NEMP1: variants seen among roughly 807,000 people sequenced by gnomAD.
The protein encoded by NEMP1 is transmembrane protein 194.
Under a neutral mutation model 53.7 loss-of-function variants are expected in NEMP1, and 29 were observed. The ratio of observed to expected loss-of-function variants is 0.54; its 90% CI spans 0.40 to 0.74. The LOEUF is 0.74. Among genes scored for constraint, NEMP1 ranks in the 30% least tolerant of loss-of-function variants. The probability of loss-of-function intolerance (pLI) is 0.00; values close to 1 mark genes in which losing one functional copy is unlikely to be tolerated. For missense variants in NEMP1, 477 were observed against 528.6 expected, an observed-to-expected ratio of 0.90 and a Z score of 0.96; for synonymous variants, 193 against 192.9, an observed-to-expected ratio of 1.00 and a Z score of 0.00.
intron 7 of NEMP1, among the ~76,000 whole-genome samples, chr12:57,062,795 G>A (rs2031879632): frequency 6.6e-6 from 1 of 152,018 alleles, no homozygotes; most frequent in South Asian, 2.1e-4. Context: ...AGTGAGCCGA[G>A]ATCACGCCAC....
Position 57,060,885 on chromosome 12 carries a change from A to G in NEMP1, c.1041T>C (p.Tyr347=), listed in dbSNP as rs763797659. 6 of 1,614,078 alleles carry G rather than the reference A, an allele frequency of 3.7e-6. No homozygotes were observed. Among genetic ancestry groups the G allele is most frequent in the Non-Finnish European group, 5.1e-6 (6 of 1,179,984 alleles). ...VPPRLLTEEE[Y]RIQGEVETRK... Reference sequence around the variant, plus strand: ...GGGTTTCTACCTCTCCTTGTATCCGATATTCTTCTTCTGTCAGGAGACGAG... The same window carrying G: ...GGGTTTCTACCTCTCCTTGTATCCGGTATTCTTCTTCTGTCAGGAGACGAG... Residue 347 remains tyrosine, a synonymous_variant, in exon 8 of 9, where the codon TAT becomes TAC. Coordinates refer to ENST00000300128, the MANE Select transcript of NEMP1 (RefSeq NM_001130963.2).
Position 57,064,625 on chromosome 12 carries a change from C to T in NEMP1, c.639+21G>A, listed in dbSNP as rs776455419. Reference sequence around the variant, plus strand: ...GCTATCCAAATTCATTCTAGCTGCACATGAAGATTCTGATACTTACCTTAG... The same window carrying T: ...GCTATCCAAATTCATTCTAGCTGCATATGAAGATTCTGATACTTACCTTAG... On this transcript the variant is annotated intron_variant, in intron 5 of 8. Coordinates refer to ENST00000300128, the MANE Select transcript of NEMP1 (RefSeq NM_001130963.2). 1.2e-4 allele frequency: 183 copies of T among 1,559,448 alleles called. 1 individual carries two copies. The highest frequency in any genetic ancestry group is 1.7e-5 in the Non-Finnish European group (19 of 1,140,924).
At chr12:57,070,167 G>C (rs1215547352) in intron 3 of NEMP1, among the ~76,000 whole-genome samples, 1 of 152,182 alleles carries the variant, frequency 6.6e-6, no homozygotes, top group Non-Finnish European at 1.5e-5. Flanking sequence ...CAGTTCCACT[G>C]AATAAGTTTT....
chr12:57,063,881 C>G (rs528280315), intron 6 of NEMP1, among the ~76,000 whole-genome samples, 190 bp downstream of exon 6: 1 of 140,788 alleles, frequency 7.1e-6, no homozygotes, highest in East Asian at 1.9e-4. Flanking sequence ...GCCTTAACAG[C>G]ACCATTCTAA....
intron 1 of NEMP1, 122 bp downstream of exon 1, chr12:57,078,497 G>A (rs1335707834): frequency 2.3e-6 from 3 of 1,333,302 alleles, no homozygotes; most frequent in Non-Finnish European, 3.0e-6. Context: ...CACTACGCCG[G>A]CGGCCCTCGG....
chr12:57,087,190 G>C (rs1006100198), intron 1 of NEMP1, among the ~76,000 whole-genome samples: 2 of 152,230 alleles, frequency 1.3e-5, no homozygotes, highest in Non-Finnish European at 2.9e-5. Flanking sequence ...ACCGGGACCC[G>C]GGCGCCCCGC....
rs1449854061 is a variant in NEMP1, at chr12:57,057,005, G to C, written c.*2874C>G. The C allele has an allele frequency of 6.6e-6, 1 of 152,240 alleles. No individual in the cohort carries two copies. The highest frequency in any genetic ancestry group is 2.4e-5 in the African/African-American group (1 of 41,468). The allele number at this position is 152,240 out of a possible 1,614,324, so 9.4% of individuals were successfully genotyped here. A position where few individuals can be genotyped will look rare whatever the true frequency, so the allele number is the denominator to read the frequency against. On this transcript the variant is annotated 3_prime_UTR_variant, in exon 9 of 9. Transcript: ENST00000300128. ...AGTGGCTAACAGGAATTACTTATTA[G>C]AAGGTAATGAAGTTGCTAAATTTTC...
chr12:57,086,899 CT>C, intron 1 of NEMP1, among the ~76,000 whole-genome samples: 1 of 152,256 alleles, frequency 6.6e-6, no homozygotes, highest in East Asian at 1.9e-4. Flanking sequence ...CTTAAATATG[CT>C]TAGCATTCTA....
intron 4 of NEMP1, among the ~76,000 whole-genome samples, chr12:57,066,694 T>A (rs2136494368): frequency 6.6e-6 from 1 of 152,252 alleles, no homozygotes; most frequent in South Asian, 2.1e-4. Context: ...TCTAATATGG[T>A]TTGGCTGTGT....
rs1228282128 is a variant in NEMP1 at position 57,057,790 on chromosome 12, T to C, written c.*2089A>G. 6.6e-6 allele frequency: 1 copy of C among 152,206 alleles called. No individual in the cohort carries two copies. The highest frequency in any genetic ancestry group is 1.5e-5 in the Non-Finnish European group (1 of 68,040). 9.4% of individuals were successfully genotyped at this position (152,206 alleles called of 1,614,324 possible). ...AGGAGAATCTTTCACAATTTCACAG[T>C]GCTTTCTCATTGAAATAAAGACATG... On this transcript the variant is annotated 3_prime_UTR_variant, in exon 9 of 9. Transcript: ENST00000300128.
At chr12:57,066,588 C>T (rs1336780300) in intron 4 of NEMP1, among the ~76,000 whole-genome samples, 1 of 152,164 alleles carries the variant, frequency 6.6e-6, no homozygotes, top group Non-Finnish European at 1.5e-5. Flanking sequence ...ATTGCTGTTT[C>T]TCAGGGAATA....
chr12:57,069,293 T>C lies in NEMP1; in HGVS notation c.486A>G (p.Lys162=). ...SVIVIRRFDP[K]LFLVFLLGLM... ...GTCCAAGAAGGAAAACAAGAAAGAG[T>C]TTGGGATCAAATCCTGAAATAAATA... Residue 162 remains lysine, a synonymous_variant, in exon 4 of 9, where the codon AAA becomes AAG. Transcript: ENST00000300128. 5 of 1,543,966 alleles carry C rather than the reference T, an allele frequency of 3.2e-6. No individual in the cohort carries two copies. The highest frequency in any genetic ancestry group is 4.4e-6 in the Non-Finnish European group (5 of 1,144,788).
intron 4 of NEMP1, among the ~76,000 whole-genome samples, chr12:57,067,678 T>G (rs761728500): frequency 1.3e-5 from 2 of 152,244 alleles, no homozygotes; most frequent in East Asian, 3.8e-4. Flanking sequence ...ACTGATGCTA[T>G]GTAGTTACTG....
rs1252423409 is a variant in NEMP1, at chr12:57,063,187, G to C, written c.912C>G (p.Ala304=). The change falls in exon 7 of 9, where the codon GCC becomes GCG. Residue 304 remains alanine (A), a synonymous_variant. Coordinates refer to ENST00000300128, the MANE Select transcript of NEMP1 (RefSeq NM_001130963.2). The part of the protein sequence containing the change: ...SGIQIPHIAL[A]IIIIALCTKN... ...TAGTACAAAGAGCAATGATGATAAT[G>C]GCAAGGGCAATATGTGGTATCTGGA... is the stretch of plus-strand genomic sequence containing the variant. 2.5e-6 allele frequency: 4 copies of C among 1,614,040 alleles called. No homozygotes were observed. Among genetic ancestry groups the C allele is most frequent in the African/African-American group, 1.3e-5 (1 of 74,908 alleles).
intron 1 of NEMP1, among the ~76,000 whole-genome samples, chr12:57,074,862 CG>C (rs1392330033): frequency 1.3e-5 from 2 of 151,598 alleles, no homozygotes; most frequent in East Asian, 2.0e-4. Flanking sequence ...CCAAGGCAGA[CG>C]GATCACTTGA....
intron 1 of NEMP1, among the ~76,000 whole-genome samples, chr12:57,086,557 TTA>T (rs2033001048): frequency 6.6e-6 from 1 of 152,174 alleles, no homozygotes; most frequent in Non-Finnish European, 1.5e-5. Flanking sequence ...ACCTGTCTCT[TTA>T]TGTTTTTCTA....
chr12:57,087,836 C>G (rs1404790624), intron 1 of NEMP1: 1 of 152,304 alleles, frequency 6.6e-6, no homozygotes, highest in Non-Finnish European at 1.5e-5. Flanking sequence ...CGCTCGCTTT[C>G]CCCGGCCCCC....
At chr12:57,078,517 C>T in intron 1 of NEMP1, 102 bp downstream of exon 1, 1 of 1,443,540 alleles carries the variant, frequency 6.9e-7, no homozygotes, top group Non-Finnish European at 9.2e-7. Flanking sequence ...GTAGAGCCAC[C>T]GCCCTTCTGC....
At chr12:57,067,302 C>A (rs910316724) in intron 4 of NEMP1, among the ~76,000 whole-genome samples, 10 of 149,716 alleles carry the variant, frequency 6.7e-5, no homozygotes, top group Non-Finnish European at 1.2e-4. Flanking sequence ...CCAGCCTGGG[C>A]GACAGAGCGA....
Sources: gnomAD v4.1 joint callset for allele counts (sites outside exome capture counted in the v4.1 genomes callset) on GRCh38, gnomAD v4.1.1 for gene constraint, MANE v1.5 for transcripts, NCBI Gene and HGNC (gene_info 2026-07-23, HGNC 2026-07-21) for gene names.